ARHGAP42: variants seen among roughly 807,000 people sequenced by gnomAD.
The protein encoded by ARHGAP42 is Rho GTPase activating protein 42, also known as rho GTPase-activating protein 42.
A neutral mutation model predicts 125.0 loss-of-function variants in ARHGAP42; 63 were observed. The ratio of observed to expected loss-of-function variants is 0.50; its 90% confidence interval spans 0.41 to 0.62. The LOEUF is 0.62. ARHGAP42 is among the 20% of genes least tolerant of loss of function. ARHGAP42 has a pLI of 0.00. For missense variants in ARHGAP42, 766 were observed against 1,024.2 expected (o/e 0.75, Z 3.44); for synonymous variants, 339 against 351.0 (o/e 0.97, Z 0.38).
intron 3 of ARHGAP42, among the ~76,000 whole-genome samples, chr11:100,857,151 C>CT (rs1034474651): frequency 4.0e-5 from 6 of 151,898 alleles, no homozygotes; most frequent in African/African-American, 9.6e-5. Flanking sequence ...TCACACCCTT[C>CT]TTTTTTTTCT....
intron 1 of ARHGAP42, among the ~76,000 whole-genome samples, chr11:100,756,994 A>G (rs989334638): frequency 6.6e-6 from 1 of 152,212 alleles, no homozygotes; most frequent in Non-Finnish European, 1.5e-5. Flanking sequence ...AATACTTTAA[A>G]CATAAGATGC....
Position 100,992,528 on chromosome 11 carries a change from T to C in ARHGAP42, c.*3727T>C, listed in dbSNP as rs763375873. ...CAAAGATAGTTTTCTGAACATTCTGTGTCCTGCCTGTCTCCTGTTGATTCG... is the reference window on the plus strand; with the variant it reads ...CAAAGATAGTTTTCTGAACATTCTGCGTCCTGCCTGTCTCCTGTTGATTCG... On this transcript the variant is annotated 3_prime_UTR_variant, in exon 24 of 24. Coordinates refer to ENST00000298815, the MANE Select transcript of ARHGAP42 (RefSeq NM_152432.4). 6.8e-6 allele frequency: 11 copies of C among 1,614,014 alleles called. No homozygotes were observed. In the Admixed American group the frequency reaches 1.8e-4, roughly 27 times the overall value.
intron 3 of ARHGAP42, among the ~76,000 whole-genome samples, chr11:100,851,388 G>A (rs540633845): frequency 5.6e-4 from 86 of 152,268 alleles, no homozygotes; most frequent in Middle Eastern, 3.4e-3. Flanking sequence ...GATCCCATAA[G>A]ATTATAATGG....
intron 1 of ARHGAP42, among the ~76,000 whole-genome samples, chr11:100,704,068 A>G (rs1337925371): frequency 6.6e-6 from 1 of 152,176 alleles, no homozygotes; most frequent in African/African-American, 2.4e-5. Flanking sequence ...AATTAGAGAC[A>G]AAAGAGACAT....
intron 10 of ARHGAP42, among the ~76,000 whole-genome samples, chr11:100,944,695 C>T (rs909369121): frequency 9.9e-5 from 15 of 152,088 alleles, no homozygotes; most frequent in Middle Eastern, 3.4e-3. Context: ...GTTTATGCTA[C>T]ACTGCAGTCC....
In ARHGAP42 at chr11:100,941,831, G is replaced by A. The variant is rs1386156902; in HGVS notation, c.880G>A (p.Gly294Arg). Residue 294 changes from glycine (G) to arginine (R), a missense_variant, in exon 9 of 24, where the codon GGA (glycine) becomes AGA (arginine). Coordinates refer to ENST00000298815, the MANE Select transcript of ARHGAP42 (RefSeq NM_152432.4). Reference sequence around the variant, plus strand: ...TAAACATTATTGTACATATGATAAGGGAAGTAAAACATTTACAATGAGTGT... The same window carrying A: ...TAAACATTATTGTACATATGATAAGAGAAGTAAAACATTTACAATGAGTGT... ...WIKHYCTYDKGSKTFTMSVSE... is the reference protein window; with the variant it reads ...WIKHYCTYDKRSKTFTMSVSE... 3 of 1,538,264 alleles carry A rather than the reference G, an allele frequency of 2.0e-6. No individual in the cohort carries two copies. In the African/African-American group the frequency reaches 4.2e-5, roughly 21 times the overall value.
At chr11:100,930,347 C>G (rs188051770) in intron 6 of ARHGAP42, among the ~76,000 whole-genome samples, 251 of 152,154 alleles carry the variant, frequency 1.6e-3, no homozygotes, top group African/African-American at 5.9e-3. Context: ...ATGTTCAAAC[C>G]GATAAAAACG....
chr11:100,787,604 C>T (rs1174985568), intron 2 of ARHGAP42, among the ~76,000 whole-genome samples: 1 of 152,152 alleles, frequency 6.6e-6, no homozygotes, highest in African/African-American at 2.4e-5. Context: ...TGTGGTTTGG[C>T]AGGCAATGTT....
At chr11:100,797,155 T>G (rs757869601) in intron 3 of ARHGAP42, among the ~76,000 whole-genome samples, 23 of 152,132 alleles carry the variant, frequency 1.5e-4, no homozygotes, top group Admixed American at 3.9e-4. Context: ...TTCATAAGGT[T>G]TAAGGAAAGA....
intron 1 of ARHGAP42, among the ~76,000 whole-genome samples, chr11:100,754,237 T>C (rs1257215561): frequency 6.6e-6 from 1 of 152,252 alleles, no homozygotes; most frequent in Non-Finnish European, 1.5e-5. Context: ...TATGGATGAA[T>C]ACAGTTTTTA....
At chr11:100,956,678 A>T (rs996418327) in intron 12 of ARHGAP42, among the ~76,000 whole-genome samples, 2 of 152,124 alleles carry the variant, frequency 1.3e-5, no homozygotes, top group Non-Finnish European at 2.9e-5. Context: ...AGCTCTAGTG[A>T]GAGGATATGT....
chr11:100,696,329 G>A (rs2120183289), intron 1 of ARHGAP42, among the ~76,000 whole-genome samples: 1 of 152,102 alleles, frequency 6.6e-6, no homozygotes, highest in South Asian at 2.1e-4. Context: ...ATGGTAAAAT[G>A]TCTATTTTTT....
chr11:100,851,035 C>T (rs1413117771), intron 3 of ARHGAP42, among the ~76,000 whole-genome samples: 1 of 151,924 alleles, frequency 6.6e-6, no homozygotes, highest in African/African-American at 2.4e-5. Context: ...ACGTGTGCCA[C>T]CATGCCTGGC....
chr11:100,787,639 T>G (rs1481809806), intron 2 of ARHGAP42, among the ~76,000 whole-genome samples: 1 of 152,230 alleles, frequency 6.6e-6, no homozygotes, highest in East Asian at 1.9e-4. Flanking sequence ...TAGACAAGAT[T>G]AAAGTATAGC....
chr11:100,723,181 C>T (rs1305821248), intron 1 of ARHGAP42, among the ~76,000 whole-genome samples: 1 of 152,146 alleles, frequency 6.6e-6, no homozygotes. Flanking sequence ...ATCTTGAGTA[C>T]TTTAGATTTA....
intron 10 of ARHGAP42, among the ~76,000 whole-genome samples, chr11:100,944,871 G>A (rs1216996692): frequency 2.0e-5 from 3 of 151,984 alleles, no homozygotes; most frequent in Non-Finnish European, 2.9e-5. Flanking sequence ...GGTTACTGAA[G>A]GATGGGGTGG....
At chr11:100,886,850 T>C (rs1319982608) in intron 4 of ARHGAP42, among the ~76,000 whole-genome samples, 2 of 152,214 alleles carry the variant, frequency 1.3e-5, no homozygotes, top group African/African-American at 4.8e-5. Context: ...TTAGACTTTA[T>C]GTTGACCCTC....
At chr11:100,852,788 A>G (rs960001524) in intron 3 of ARHGAP42, among the ~76,000 whole-genome samples, 8 of 152,170 alleles carry the variant, frequency 5.3e-5, no homozygotes, top group African/African-American at 1.9e-4. Flanking sequence ...CTATAGTACT[A>G]ACAAACATAG....
chr11:100,701,893 C>T (rs914294155), intron 1 of ARHGAP42, among the ~76,000 whole-genome samples: 1 of 151,934 alleles, frequency 6.6e-6, no homozygotes, highest in Non-Finnish European at 1.5e-5. Flanking sequence ...AAGAACTTTT[C>T]CTTTGCATTC....
Sources: allele counts gnomAD v4.1 joint callset (sites outside exome capture counted in the v4.1 genomes callset), GRCh38; gene constraint gnomAD v4.1.1; transcripts MANE v1.5; gene names NCBI Gene and HGNC (gene_info 2026-07-23, HGNC 2026-07-21).